Variants in WDPCP observed in about 807,000 individuals in gnomAD.
The protein encoded by WDPCP is WD repeat containing planar cell polarity effector.
WDPCP carries 71 observed loss-of-function variants against 93.1 expected under a neutral mutation model. The ratio of observed to expected loss-of-function variants is 0.76; its 90% CI spans 0.63 to 0.93. The LOEUF (loss-of-function observed/expected upper bound fraction) is 0.93, where lower values mean the gene tolerates loss of function less well. WDPCP is among the 40% of genes least tolerant of loss of function. WDPCP has a pLI of 0.00. For missense variants in WDPCP, 844 were observed against 887.4 expected, an observed-to-expected ratio of 0.95 and a Z score of 0.62; for synonymous variants, 315 against 315.0, an observed-to-expected ratio of 1.00 and a Z score of 0.00.
chr2:63,690,744 GAAAAC>G (rs1010557469), intron 2 of WDPCP, among the ~76,000 whole-genome samples: 2 of 151,876 alleles, frequency 1.3e-5, no homozygotes, highest in African/African-American at 4.8e-5. Flanking sequence ...CCTGTCTCGA[GAAAAC>G]AAAACAAAAC....
chr2:63,251,818 C>A (rs1307662370), intron 14 of WDPCP, among the ~76,000 whole-genome samples: 1 of 151,606 alleles, frequency 6.6e-6, no homozygotes. Context: ...TTAAAAAGCC[C>A]CGGACCAGAT....
At chr2:63,341,214 C>T (rs919669241) in intron 12 of WDPCP, among the ~76,000 whole-genome samples, 3 of 152,162 alleles carry the variant, frequency 2.0e-5, no homozygotes, top group South Asian at 2.1e-4. Flanking sequence ...CTGCAACCTC[C>T]GCCTCCCAGG....
rs74401965 is a variant in WDPCP at position 63,459,552 on chromosome 2, C to T, written c.385-19681G>A. On this transcript the variant is annotated intron_variant, in intron 6 of 17. Transcript: ENST00000272321. ...CATGCTGGCAAGAAAGAAAAGGGAACTCTTATATACTGTTGGTTGGAATGT... is the reference window on the plus strand; with the variant it reads ...CATGCTGGCAAGAAAGAAAAGGGAATTCTTATATACTGTTGGTTGGAATGT... 1.1e-3 allele frequency among the ~76,000 whole-genome samples: 173 copies of T among 152,224 alleles called. No individual in the cohort carries two copies. The East Asian group carries it at 0.031, about 27-fold the overall frequency.
chr2:63,198,510 C>A (rs1180475281), intron 14 of WDPCP, among the ~76,000 whole-genome samples: 1 of 152,048 alleles, frequency 6.6e-6, no homozygotes, highest in African/African-American at 2.4e-5. Flanking sequence ...GGGTGATCCC[C>A]TGTGTTGGAG....
chr2:63,756,793 T>C (rs577310567), intron 2 of WDPCP, among the ~76,000 whole-genome samples: 16 of 152,310 alleles, frequency 1.1e-4, no homozygotes, highest in Admixed American at 2.0e-4. Flanking sequence ...AGGTTTTGTT[T>C]ATTGGTCCTT....
At chr2:63,825,381 G>A (rs1307125311) in intron 1 of WDPCP, among the ~76,000 whole-genome samples, 3 of 152,064 alleles carry the variant, frequency 2.0e-5, no homozygotes, top group Non-Finnish European at 1.5e-5. Context: ...TAGGCTTTTT[G>A]TTGTTGCTAT....
At chr2:63,672,719 T>C (rs960675343) in intron 2 of WDPCP, among the ~76,000 whole-genome samples, 1 of 132,246 alleles carries the variant, frequency 7.6e-6, no homozygotes, top group Non-Finnish European at 1.6e-5. Context: ...AGCCTTTATT[T>C]TATTTTATTT....
At chr2:63,531,944 A>G (rs547458707) in intron 1 of WDPCP, among the ~76,000 whole-genome samples, 50 of 152,306 alleles carry the variant, frequency 3.3e-4, no homozygotes, top group African/African-American at 9.6e-4. Context: ...AACCCATCAT[A>G]AGGAAGCTAA....
At chr2:63,678,127 G>C (rs1710445787) in intron 2 of WDPCP, among the ~76,000 whole-genome samples, 1 of 152,096 alleles carries the variant, frequency 6.6e-6, no homozygotes, top group Non-Finnish European at 1.5e-5. Context: ...CCAAATCTAT[G>C]GTATTTGCAG....
At chr2:63,573,871 C>T (rs1406781843) in intron 1 of WDPCP, among the ~76,000 whole-genome samples, 1 of 151,976 alleles carries the variant, frequency 6.6e-6, no homozygotes, top group East Asian at 1.9e-4. Flanking sequence ...CTAAAATGGC[C>T]GCTTCAGGGG....
At chr2:63,199,930 G>C (rs1675772430) in intron 14 of WDPCP, among the ~76,000 whole-genome samples, 1 of 152,216 alleles carries the variant, frequency 6.6e-6, no homozygotes, top group African/African-American at 2.4e-5. Flanking sequence ...AGAGCCAAAG[G>C]GGCAGAGCTG....
Position 63,120,829 on chromosome 2 carries a change from T to G in WDPCP, c.*1177A>C, listed in dbSNP as rs11696083. On this transcript the variant is annotated 3_prime_UTR_variant, in exon 18 of 18. Coordinates refer to ENST00000272321, the MANE Select transcript of WDPCP (RefSeq NM_015910.7). ...GATTACAGGCGTGAGCCACCGTGCC[T>G]GGCCTATAGATGTCTATAATTGTGA... Among the ~76,000 whole-genome samples the G allele has an allele frequency of 0.097, 14,704 of 152,056 alleles. 893 individuals carry two copies. The highest frequency in any genetic ancestry group is 0.17 in the South Asian group (808 of 4,812).
At chr2:63,213,518 G>A (rs1230351413) in intron 14 of WDPCP, among the ~76,000 whole-genome samples, 1 of 152,164 alleles carries the variant, frequency 6.6e-6, no homozygotes, top group Non-Finnish European at 1.5e-5. Flanking sequence ...ACAAGAGAAA[G>A]CAGGAAAGAT....
At chr2:63,377,847 C>T in intron 12 of WDPCP, 1 of 154,036 alleles carries the variant, frequency 6.5e-6, no homozygotes, top group Admixed American at 6.4e-5. Context: ...TTCTGCAATA[C>T]TTTTCTTAGA....
At position 63,403,189 on chromosome 2, in the gene WDPCP, G is replaced by A. The variant is rs374404097; in HGVS notation, c.1435+859C>T. ...ATGCAGAAACAGAAAACCAAATACCGCATGTTCTCACTTATAAGTGGGAGC... is the reference window on the plus strand; with the variant it reads ...ATGCAGAAACAGAAAACCAAATACCACATGTTCTCACTTATAAGTGGGAGC... On this transcript the variant is annotated intron_variant, in intron 10 of 17. Transcript: ENST00000272321. Among the ~76,000 whole-genome samples the A allele has an allele frequency of 7.2e-5, 11 of 152,030 alleles. 1 individual carries two copies. In the East Asian group the frequency reaches 7.7e-4, roughly 11 times the overall value.
At chr2:63,755,968 C>T (rs1343216244) in intron 2 of WDPCP, among the ~76,000 whole-genome samples, 1 of 152,182 alleles carries the variant, frequency 6.6e-6, no homozygotes, top group Non-Finnish European at 1.5e-5. Context: ...CCTATTAAAA[C>T]AGTAAAATCT....
intron 17 of WDPCP, among the ~76,000 whole-genome samples, chr2:63,128,021 C>T (rs1280098037): frequency 6.6e-6 from 1 of 151,990 alleles, no homozygotes; most frequent in Non-Finnish European, 1.5e-5. Context: ...CTTCTGTAAT[C>T]CCAGCTACTC....
chr2:63,607,142 CA>C, intron 3 of WDPCP: 1 of 598,628 alleles, frequency 1.7e-6, no homozygotes, highest in Non-Finnish European at 2.7e-6. Context: ...TTGTGAATGA[CA>C]GTTTATCGTC....
At chr2:63,797,395 A>G (rs1461767110) in intron 2 of WDPCP, among the ~76,000 whole-genome samples, 19 of 152,030 alleles carry the variant, frequency 1.2e-4, no homozygotes, top group Admixed American at 1.2e-3. Flanking sequence ...GGGGTTCCTG[A>G]TTCTAGACCA....
Sources: allele counts gnomAD v4.1 joint callset (sites outside exome capture counted in the v4.1 genomes callset), GRCh38; gene constraint gnomAD v4.1.1; transcripts MANE v1.5; gene names NCBI Gene and HGNC (gene_info 2026-07-23, HGNC 2026-07-21).